Variants in ARSJ observed in about 807,000 individuals in gnomAD.
ARSJ encodes arylsulfatase family member J.
Under a neutral mutation model 35.9 loss-of-function variants are expected in ARSJ, and 26 were observed. The observed-to-expected ratio is 0.72, with a 90% confidence interval of 0.53 to 1.00. ARSJ has a LOEUF of 1.00. Among genes scored for constraint, ARSJ ranks in the 50% least tolerant of loss-of-function variants. The pLI, the probability that ARSJ is intolerant of heterozygous loss-of-function variation, is 0.00. For missense variants in ARSJ, 667 were observed against 723.6 expected, an observed-to-expected ratio of 0.92 and a Z score of 0.90; for synonymous variants, 294 against 267.6, an observed-to-expected ratio of 1.10 and a Z score of -0.96.
At chr4:113,976,865 AT>A (rs1238062806) in intron 1 of ARSJ, among the ~76,000 whole-genome samples, 2 of 152,204 alleles carry the variant, frequency 1.3e-5, no homozygotes, top group Non-Finnish European at 2.9e-5. Flanking sequence ...TTTCTCTTTC[AT>A]TTTATTAAGT....
intron 1 of ARSJ, chr4:113,946,513 A>C (rs112420934): frequency 2.8e-4 from 42 of 151,908 alleles, no homozygotes; most frequent in African/African-American, 1.0e-3. Context: ...CTCCAATGAG[A>C]ATTTCAAAGT....
intron 1 of ARSJ, among the ~76,000 whole-genome samples, chr4:113,938,501 A>T (rs1171626394): frequency 1.3e-5 from 2 of 152,036 alleles, no homozygotes; most frequent in Non-Finnish European, 2.9e-5. Flanking sequence ...TGATGAAAAC[A>T]TCAAAAACAA....
intron 1 of ARSJ, among the ~76,000 whole-genome samples, chr4:113,931,182 A>C (rs533441629): frequency 6.9e-6 from 1 of 145,892 alleles, no homozygotes; most frequent in Admixed American, 6.8e-5. Flanking sequence ...TAATTTAAAA[A>C]AAAATAGAAA....
intron 1 of ARSJ, among the ~76,000 whole-genome samples, chr4:113,905,996 A>G (rs896597078): frequency 1.3e-5 from 2 of 152,158 alleles, no homozygotes; most frequent in Non-Finnish European, 2.9e-5. Flanking sequence ...AAAACATTCA[A>G]TTGTGAAAAA....
At chr4:113,939,071 C>T (rs1045949005) in intron 1 of ARSJ, among the ~76,000 whole-genome samples, 1 of 138,710 alleles carries the variant, frequency 7.2e-6, no homozygotes, top group Non-Finnish European at 1.6e-5. Context: ...CCTCCCCCAC[C>T]CCACAACAGA....
At chr4:113,948,131 G>GAA (rs1725617482) in intron 1 of ARSJ, among the ~76,000 whole-genome samples, 1 of 152,110 alleles carries the variant, frequency 6.6e-6, no homozygotes, top group Non-Finnish European at 1.5e-5. Flanking sequence ...GGAGGTTGCA[G>GAA]CCAGCCGAGA....
At chr4:113,963,859 G>A (rs911939800) in intron 1 of ARSJ, among the ~76,000 whole-genome samples, 1 of 151,918 alleles carries the variant, frequency 6.6e-6, no homozygotes, top group Non-Finnish European at 1.5e-5. Context: ...TTAACCTTGG[G>A]AGTTTCCTTT....
chr4:113,959,617 C>T (rs955717981), intron 1 of ARSJ, among the ~76,000 whole-genome samples: 1 of 152,006 alleles, frequency 6.6e-6, no homozygotes, highest in Non-Finnish European at 1.5e-5. Context: ...TTTTTATTTA[C>T]AGAGATTGCA....
chr4:113,912,717 T>C (rs926641437), intron 1 of ARSJ, among the ~76,000 whole-genome samples: 1 of 150,154 alleles, frequency 6.7e-6, no homozygotes, highest in African/African-American at 2.5e-5. Context: ...ACATCAATTG[T>C]TGAATGAATA....
At chr4:113,977,005 C>A (rs1727629338) in intron 1 of ARSJ, among the ~76,000 whole-genome samples, 1 of 152,078 alleles carries the variant, frequency 6.6e-6, no homozygotes, top group Non-Finnish European at 1.5e-5. Context: ...TCATATAGTT[C>A]AGTTACTTAT....
chr4:113,975,868 G>A (rs1727560623), intron 1 of ARSJ, among the ~76,000 whole-genome samples: 2 of 151,978 alleles, frequency 1.3e-5, no homozygotes, highest in South Asian at 2.1e-4. Flanking sequence ...ACTCAACCCC[G>A]GACCTACCAA....
At chr4:113,970,792 A>C (rs2110334832) in intron 1 of ARSJ, 1 of 152,190 alleles carries the variant, frequency 6.6e-6, no homozygotes, top group Non-Finnish European at 1.5e-5. Context: ...CTGTCTCTAC[A>C]AAAAACGCAA....
chr4:113,971,364 C>A (rs1727236882), intron 1 of ARSJ, among the ~76,000 whole-genome samples: 1 of 152,264 alleles, frequency 6.6e-6, no homozygotes, highest in Admixed American at 6.5e-5. Flanking sequence ...TGGATAATTT[C>A]CACCTTTAAG....
intron 1 of ARSJ, among the ~76,000 whole-genome samples, chr4:113,927,631 G>GTACCA (rs1362533723): frequency 6.6e-6 from 1 of 152,188 alleles, no homozygotes; most frequent in African/African-American, 2.4e-5. Flanking sequence ...TGCATACCAG[G>GTACCA]TACCAGGAGA....
intron 1 of ARSJ, among the ~76,000 whole-genome samples, chr4:113,938,295 C>T (rs960073107): frequency 6.6e-6 from 1 of 152,026 alleles, no homozygotes; most frequent in Non-Finnish European, 1.5e-5. Context: ...GAAAAAGATT[C>T]CCTATGTAAT....
At position 113,931,191 on chromosome 4, in the gene ARSJ, A is replaced by G. The variant is rs76015970; in HGVS notation, c.399-27516T>C. Among the ~76,000 whole-genome samples the G allele has an allele frequency of 1.7e-3, 176 of 106,054 alleles. 3 individuals are homozygous for G. In the East Asian group the frequency reaches 0.032, roughly 19 times the overall value. 69.6% of individuals were successfully genotyped at this position (106,054 alleles called of 152,430 possible). A position where few individuals can be genotyped will look rare whatever the true frequency, so the allele number is the denominator to read the frequency against. The stretch of plus-strand genomic sequence containing the variant: ...AAAGTATAATTTAAAAAAAAATAGA[A>G]AAAAAAAAGTATAAATAAATGTACA... On this transcript the variant is annotated intron_variant, in intron 1 of 1. Coordinates refer to ENST00000315366, the MANE Select transcript of ARSJ (RefSeq NM_024590.4).
chr4:113,954,114 GA>G (rs1726026981), intron 1 of ARSJ, among the ~76,000 whole-genome samples: 1 of 151,844 alleles, frequency 6.6e-6, no homozygotes, highest in Non-Finnish European at 1.5e-5. Context: ...CTTCTGATGG[GA>G]TTTCCTGTGG....
chr4:113,954,818 G>A (rs913915062), intron 1 of ARSJ, among the ~76,000 whole-genome samples: 1 of 152,028 alleles, frequency 6.6e-6, no homozygotes, highest in Non-Finnish European at 1.5e-5. Flanking sequence ...TGTAGTCTGA[G>A]CCAGATGTCT....
At chr4:113,940,003 G>A (rs1052283156) in intron 1 of ARSJ, among the ~76,000 whole-genome samples, 2 of 152,064 alleles carry the variant, frequency 1.3e-5, no homozygotes, top group Admixed American at 6.6e-5. Flanking sequence ...AGATGCTGGC[G>A]AGGCTGTGGA....
Sources: allele counts gnomAD v4.1 joint callset (sites outside exome capture counted in the v4.1 genomes callset), GRCh38; gene constraint gnomAD v4.1.1; transcripts MANE v1.5; gene names NCBI Gene and HGNC (gene_info 2026-07-23, HGNC 2026-07-21).